CA8: variants seen among roughly 807,000 people sequenced by gnomAD.
CA8 encodes the protein carbonic anhydrase 8 (inactive), also known as carbonic anhydrase-related protein.
A neutral mutation model predicts 41.4 loss-of-function variants in CA8; 22 were observed. That is an observed-to-expected ratio of 0.53 (90% CI 0.38 to 0.76). The LOEUF (loss-of-function observed/expected upper bound fraction) is 0.76, where lower values mean the gene tolerates loss of function less well. CA8 is among the 30% of genes least tolerant of loss of function. The pLI, the probability that CA8 is intolerant of heterozygous loss-of-function variation, is 0.00. For missense variants in CA8, 270 were observed against 352.8 expected, an observed-to-expected ratio of 0.77 and a Z score of 1.88; for synonymous variants, 121 against 130.6, an observed-to-expected ratio of 0.93 and a Z score of 0.50.
At chr8:60,268,756 T>A (rs979911819) in intron 2 of CA8, among the ~76,000 whole-genome samples, 1 of 152,188 alleles carries the variant, frequency 6.6e-6, no homozygotes, top group African/African-American at 2.4e-5. Context: ...AGATCTTACA[T>A]TCTATTATCC....
intron 3 of CA8, among the ~76,000 whole-genome samples, chr8:60,236,914 G>A (rs562856702): frequency 1.3e-5 from 2 of 152,306 alleles, no homozygotes; most frequent in South Asian, 2.1e-4. Context: ...CTTAGGAAAC[G>A]ATGAAGTGGC....
chr8:60,213,742 C>T (rs1187724555), intron 7 of CA8, among the ~76,000 whole-genome samples: 1 of 151,240 alleles, frequency 6.6e-6, no homozygotes, highest in African/African-American at 2.4e-5. Context: ...GAATTAATTT[C>T]TTAATTTCAC....
chr8:60,241,976 AAG>A (rs1463360943), intron 3 of CA8, among the ~76,000 whole-genome samples: 1 of 152,186 alleles, frequency 6.6e-6, no homozygotes, highest in East Asian at 1.9e-4. Context: ...ACGATGATGA[AAG>A]AGTTCTGAAA....
At chr8:60,265,723 G>A (rs984609571) in intron 3 of CA8, 3 of 586,346 alleles carry the variant, frequency 5.1e-6, no homozygotes, top group Non-Finnish European at 9.1e-6. Flanking sequence ...GTGCTCATGC[G>A]CACACGCCAA....
chr8:60,208,360 C>G (rs1806712775), intron 8 of CA8: 1 of 231,168 alleles, frequency 4.3e-6, no homozygotes, highest in African/African-American at 2.3e-5. Flanking sequence ...GGCTCACACG[C>G]TCCCCAAGTC....
At chr8:60,206,027 A>T (rs918476171) in intron 8 of CA8, among the ~76,000 whole-genome samples, 3 of 152,228 alleles carry the variant, frequency 2.0e-5, no homozygotes, top group African/African-American at 7.2e-5. Flanking sequence ...CATAAGTCTG[A>T]TTCCCAATAT....
chr8:60,238,435 C>T (rs1391426597), intron 3 of CA8, among the ~76,000 whole-genome samples: 2 of 152,126 alleles, frequency 1.3e-5, no homozygotes, highest in Non-Finnish European at 1.5e-5. Flanking sequence ...AATGCAGGGA[C>T]CTTTCCTTTC....
At chr8:60,262,884 T>A (rs1158920137) in intron 3 of CA8, among the ~76,000 whole-genome samples, 1 of 152,232 alleles carries the variant, frequency 6.6e-6, no homozygotes, top group Non-Finnish European at 1.5e-5. Context: ...TACATCTTGC[T>A]TAGTGTAGAG....
intron 2 of CA8, among the ~76,000 whole-genome samples, chr8:60,273,813 A>C (rs1391377047): frequency 1.3e-5 from 2 of 152,260 alleles, no homozygotes; most frequent in African/African-American, 4.8e-5. Flanking sequence ...CCTTGGCTTG[A>C]GAAGTTCCAG....
At chr8:60,190,957 T>TATATATATACACAC (rs1554573722) in intron 8 of CA8, among the ~76,000 whole-genome samples, 17 of 104,228 alleles carry the variant, frequency 1.6e-4, no homozygotes, top group South Asian at 6.2e-4. Flanking sequence ...TATATATATA[T>TATATATATACACAC]ACACACACAC....
intron 3 of CA8, among the ~76,000 whole-genome samples, chr8:60,254,455 A>G (rs1808554042): frequency 1.3e-5 from 2 of 152,232 alleles, no homozygotes; most frequent in South Asian, 4.1e-4. Context: ...TAGAATAGAA[A>G]ACAGCAAGAT....
At chr8:60,199,366 A>G (rs1806362061) in intron 8 of CA8, among the ~76,000 whole-genome samples, 1 of 152,180 alleles carries the variant, frequency 6.6e-6, no homozygotes, top group South Asian at 2.1e-4. Context: ...AAACTAGATT[A>G]AAGAACTTCT....
At chr8:60,263,541 CA>C (rs1209330730) in intron 3 of CA8, among the ~76,000 whole-genome samples, 7 of 151,290 alleles carry the variant, frequency 4.6e-5, no homozygotes, top group Non-Finnish European at 1.0e-4. Flanking sequence ...AAACAAAAAA[CA>C]AAAAACACTG....
At chr8:60,242,297 TATA>T (rs1207813634) in intron 3 of CA8, among the ~76,000 whole-genome samples, 2 of 152,222 alleles carry the variant, frequency 1.3e-5, no homozygotes, top group Non-Finnish European at 2.9e-5. Context: ...TTAGCATCTT[TATA>T]ATAATAGATT....
In CA8 at chr8:60,237,999, C is replaced by G. The variant is rs143067050; in HGVS notation, c.418-5620G>C. Reference sequence around the variant, plus strand: ...AAAACAACCATGATGCATCCTTTTACAGCTTCAGGGAAAATCTTGGACCGA... The same window carrying G: ...AAAACAACCATGATGCATCCTTTTAGAGCTTCAGGGAAAATCTTGGACCGA... On this transcript the variant is annotated intron_variant, in intron 3 of 8. Coordinates refer to ENST00000317995, the MANE Select transcript of CA8 (RefSeq NM_004056.6). Among the ~76,000 whole-genome samples the G allele has an allele frequency of 4.3e-3, 654 of 152,326 alleles. 8 individuals are homozygous for G. Among genetic ancestry groups the G allele is most frequent in the African/African-American group, 0.015 (612 of 41,574 alleles).
rs548783405 is a variant in CA8, at chr8:60,185,684, G to A, written c.*4337C>T. 6.6e-5 allele frequency among the ~76,000 whole-genome samples: 10 copies of A among 152,158 alleles called. No homozygotes were observed. The East Asian group carries it at 1.9e-3, about 29-fold the overall frequency. On this transcript the variant is annotated 3_prime_UTR_variant, in exon 9 of 9. Coordinates refer to ENST00000317995, the MANE Select transcript of CA8 (RefSeq NM_004056.6). ...AAACAGAAACAGAAACTTTTCACCA[G>A]GAGTTTTATATTTAGCAAAACTATC...
chr8:60,255,250 C>T (rs1183924428), intron 3 of CA8, among the ~76,000 whole-genome samples: 3 of 151,946 alleles, frequency 2.0e-5, no homozygotes, highest in African/African-American at 7.3e-5. Context: ...CCCAGCCCCC[C>T]ACCGCCCTAC....
At chr8:60,215,155 C>A (rs1345909839) in intron 7 of CA8, among the ~76,000 whole-genome samples, 1 of 152,122 alleles carries the variant, frequency 6.6e-6, no homozygotes, top group Non-Finnish European at 1.5e-5. Flanking sequence ...TCTGTGAAAT[C>A]AGAATATGTC....
intron 3 of CA8, among the ~76,000 whole-genome samples, chr8:60,259,543 A>T (rs1472260703): frequency 1.3e-5 from 2 of 152,248 alleles, no homozygotes; most frequent in African/African-American, 4.8e-5. Context: ...AGTTGGCCTT[A>T]TTCACTTCTG....
Sources: allele counts gnomAD v4.1 joint callset (sites outside exome capture counted in the v4.1 genomes callset), GRCh38; gene constraint gnomAD v4.1.1; transcripts MANE v1.5; gene names NCBI Gene and HGNC (gene_info 2026-07-23, HGNC 2026-07-21).